The following PIP5K1A variants were observed in gnomAD, a reference collection of about 807,000 sequenced individuals.
PIP5K1A encodes the protein phosphatidylinositol-4-phosphate 5-kinase type 1 alpha, also known as phosphatidylinositol 4-phosphate 5-kinase type-1 alpha.
Under a neutral mutation model 72.9 loss-of-function variants are expected in PIP5K1A, and 46 were observed. The ratio of observed to expected loss-of-function variants is 0.63; its 90% CI spans 0.50 to 0.81. PIP5K1A has a LOEUF of 0.81. Among genes scored for constraint, PIP5K1A ranks in the 30% least tolerant of loss-of-function variants. The pLI is 0.00. For synonymous variants in PIP5K1A, 228 were observed against 255.1 expected (o/e 0.89, Z 1.01); for missense variants, 458 against 706.1 (o/e 0.65, Z 3.98).
chr1:151,241,503 A>C (rs587593821), intron 12 of PIP5K1A, among the ~76,000 whole-genome samples: 1 of 151,720 alleles, frequency 6.6e-6, no homozygotes, highest in African/African-American at 2.4e-5. Flanking sequence ...GACTCTCGTC[A>C]AAGAAAAAGA....
At chr1:151,202,291 C>T (rs1437758027) in intron 1 of PIP5K1A, among the ~76,000 whole-genome samples, 1 of 152,140 alleles carries the variant, frequency 6.6e-6, no homozygotes, top group Non-Finnish European at 1.5e-5. Flanking sequence ...TTCAGCTAAA[C>T]AGCTAAGAAC....
intron 2 of PIP5K1A, 45 bp from the exon 3 acceptor site, chr1:151,224,326 A>G: frequency 1.9e-6 from 3 of 1,609,336 alleles, no homozygotes; most frequent in Non-Finnish European, 2.6e-6. Context: ...TAATTCTGGG[A>G]TAGAAGGAAC....
intron 7 of PIP5K1A, 140 bp downstream of exon 7, chr1:151,232,843 G>C (rs1331292306): frequency 3.0e-6 from 2 of 658,608 alleles, no homozygotes; most frequent in Non-Finnish European, 5.1e-6. Context: ...GCTCATGCCT[G>C]TAATCCCAGG....
chr1:151,241,916 G>C (rs1233023708), intron 12 of PIP5K1A, among the ~76,000 whole-genome samples: 1 of 152,142 alleles, frequency 6.6e-6, no homozygotes. Flanking sequence ...CTTTCTTCTA[G>C]GTTTTCATGC....
In PIP5K1A at chr1:151,213,211, T is replaced by C. The variant is rs775013839; in HGVS notation, c.86-11034T>C. Among the ~76,000 whole-genome samples the C allele has an allele frequency of 2.4e-4, 37 of 152,078 alleles. 1 individual carries two copies. Among genetic ancestry groups the C allele is most frequent in the Admixed American group, 1.8e-3 (28 of 15,248 alleles). The stretch of plus-strand genomic sequence containing the variant: ...GCCTGCCTTTTTTTAAAAAATAAAA[T>C]TTGTATTTTTTTGGGGTACTGCTCC... On this transcript the variant is annotated intron_variant, in intron 1 of 15. Coordinates refer to ENST00000368888, the MANE Select transcript of PIP5K1A (RefSeq NM_001135638.2).
At chr1:151,224,934 A>G (rs1688889374) in intron 3 of PIP5K1A, among the ~76,000 whole-genome samples, 2 of 152,112 alleles carry the variant, frequency 1.3e-5, no homozygotes, top group African/African-American at 2.4e-5. Context: ...TGGGACTTCA[A>G]ACTTTCTCTC....
At chr1:151,197,317 C>G (rs1684648883), upstream of PIP5K1A, among the ~76,000 whole-genome samples, 3 of 151,270 alleles carry the variant, frequency 2.0e-5, no homozygotes, top group Admixed American at 6.6e-5. Flanking sequence ...TTCGCTCTGT[C>G]GTCCAGGCTA....
intron 12 of PIP5K1A, among the ~76,000 whole-genome samples, chr1:151,241,291 G>A (rs587726951): frequency 2.6e-5 from 4 of 152,226 alleles, no homozygotes; most frequent in South Asian, 4.1e-4. Flanking sequence ...CACAAGGTCC[G>A]GAGATTGAGA....
chr1:151,215,743 G>C (rs115285063), intron 1 of PIP5K1A, among the ~76,000 whole-genome samples: 1 of 152,080 alleles, frequency 6.6e-6, no homozygotes, highest in South Asian at 2.1e-4. Context: ...TGACTGCTCC[G>C]AGAATTTTTG....
At chr1:151,202,971 G>A (rs1345556685) in intron 1 of PIP5K1A, among the ~76,000 whole-genome samples, 1 of 152,020 alleles carries the variant, frequency 6.6e-6, no homozygotes, top group East Asian at 1.9e-4. Context: ...ATTTCACCAT[G>A]TTAGTCAGGC....
chr1:151,247,717 C>G (rs1023250330), intron 15 of PIP5K1A, 146 bp from the exon 16 acceptor site: 1 of 645,228 alleles, frequency 1.5e-6, no homozygotes, highest in African/African-American at 1.9e-5. Context: ...AGCCACCATG[C>G]GCGGCCGCCA....
At chr1:151,241,923 A>C (rs587636759) in intron 12 of PIP5K1A, among the ~76,000 whole-genome samples, 200 bp from the exon 13 acceptor site, 1 of 152,014 alleles carries the variant, frequency 6.6e-6, no homozygotes, top group Non-Finnish European at 1.5e-5. Flanking sequence ...CTAGGTTTTC[A>C]TGCCTCTTGG....
chr1:151,236,825 T>A, intron 9 of PIP5K1A, 62 bp downstream of exon 9: 1 of 998,942 alleles, frequency 1.0e-6, no homozygotes, highest in Non-Finnish European at 1.4e-6. Context: ...TCTTTTCTTT[T>A]TTTTTTTTTT....
At chr1:151,211,698 C>T (rs1160690497) in intron 1 of PIP5K1A, among the ~76,000 whole-genome samples, 3 of 150,544 alleles carry the variant, frequency 2.0e-5, no homozygotes, top group Non-Finnish European at 3.0e-5. Flanking sequence ...CCCAGCTGCT[C>T]GGGAGGCTGA....
At chr1:151,209,891 T>C (rs587731504) in intron 1 of PIP5K1A, among the ~76,000 whole-genome samples, 1 of 151,936 alleles carries the variant, frequency 6.6e-6, no homozygotes, top group South Asian at 2.1e-4. Context: ...TTTTCTTTCT[T>C]TTTTCTGAGA....
upstream of PIP5K1A, among the ~76,000 whole-genome samples, chr1:151,195,897 T>TA (rs1357946262): frequency 1.9e-5 from 2 of 103,320 alleles, no homozygotes; most frequent in Non-Finnish European, 4.1e-5. Flanking sequence ...TTTTTTTTTT[T>TA]TTTTTTTTTT....
At chr1:151,208,908 A>AT (rs1319973429) in intron 1 of PIP5K1A, among the ~76,000 whole-genome samples, 2 of 147,034 alleles carry the variant, frequency 1.4e-5, no homozygotes, top group Non-Finnish European at 3.0e-5. Context: ...AACTTTTTGT[A>AT]TTTTTTTTGG....
At chr1:151,199,999 G>T (rs1684994553) in intron 1 of PIP5K1A, among the ~76,000 whole-genome samples, 1 of 151,912 alleles carries the variant, frequency 6.6e-6, no homozygotes, top group Admixed American at 6.6e-5. Flanking sequence ...TAATTCCTTT[G>T]GTGATTCCCA....
intron 12 of PIP5K1A, 77 bp downstream of exon 12, chr1:151,240,116 CCT>C (rs2101589804): frequency 2.0e-6 from 2 of 1,019,980 alleles, no homozygotes; most frequent in East Asian, 4.8e-5. Context: ...GGGCAGGACA[CCT>C]CTGGTAGGGA....
Sources: allele counts gnomAD v4.1 joint callset (sites outside exome capture counted in the v4.1 genomes callset), GRCh38; gene constraint gnomAD v4.1.1; transcripts MANE v1.5; gene names NCBI Gene and HGNC (gene_info 2026-07-23, HGNC 2026-07-21).